Variants in CCDC63 observed in about 807,000 individuals in gnomAD.
The protein encoded by CCDC63 is coiled-coil domain containing 63.
Under a neutral mutation model 63.6 loss-of-function variants are expected in CCDC63, and 54 were observed. That is an observed-to-expected ratio of 0.85 (90% CI 0.68 to 1.07). The LOEUF (loss-of-function observed/expected upper bound fraction) is 1.07, where lower values mean the gene tolerates loss of function less well. CCDC63 is among the 50% of genes least tolerant of loss of function. CCDC63 has a pLI of 0.00. For synonymous variants in CCDC63, 253 were observed against 266.1 expected (o/e 0.95, Z 0.48); for missense variants, 637 against 689.6 (o/e 0.92, Z 0.86).
At chr12:110,890,319 A>T (rs1323104285) in intron 8 of CCDC63, among the ~76,000 whole-genome samples, 2 of 152,094 alleles carry the variant, frequency 1.3e-5, no homozygotes, top group Middle Eastern at 3.2e-3. Flanking sequence ...AAAAAAATTT[A>T]AAAATTAAAG....
At chr12:110,857,543 T>G (rs906736767) in intron 3 of CCDC63, among the ~76,000 whole-genome samples, 1 of 152,176 alleles carries the variant, frequency 6.6e-6, no homozygotes, top group Admixed American at 6.5e-5. Context: ...GCACCTGAGA[T>G]TCTGCATTTC....
At chr12:110,861,084 A>C (rs1246992189) in intron 4 of CCDC63, among the ~76,000 whole-genome samples, 1 of 152,056 alleles carries the variant, frequency 6.6e-6, no homozygotes, top group African/African-American at 2.4e-5. Flanking sequence ...ACACACTTTT[A>C]AACAACCAGA....
intron 4 of CCDC63, among the ~76,000 whole-genome samples, chr12:110,859,520 G>T (rs1171838056): frequency 6.6e-6 from 1 of 152,014 alleles, no homozygotes; most frequent in East Asian, 1.9e-4. Flanking sequence ...TGGCCAGGCT[G>T]GTCTCAAACT....
chr12:110,852,807 A>AC (rs1442093281), intron 1 of CCDC63, 52 bp from the exon 2 acceptor site: 1 of 1,221,414 alleles, frequency 8.2e-7, no homozygotes, highest in African/African-American at 1.5e-5. Context: ...TCTGACCTGC[A>AC]CCCCCAGCAG....
At chr12:110,905,861 T>C (rs1208337165) in intron 11 of CCDC63, among the ~76,000 whole-genome samples, 2 of 99,998 alleles carry the variant, frequency 2.0e-5, no homozygotes, top group Non-Finnish European at 3.8e-5. Flanking sequence ...TGTGTGTGTA[T>C]GTGTATATAT....
intron 9 of CCDC63, 104 bp from the exon 10 acceptor site, chr12:110,898,829 A>C (rs576753614): frequency 1.4e-6 from 1 of 719,656 alleles, no homozygotes; most frequent in South Asian, 2.9e-5. Context: ...GTCCCCTCAG[A>C]GGTTTGAAAA....
intron 4 of CCDC63, among the ~76,000 whole-genome samples, chr12:110,863,495 G>T (rs1339478121): frequency 2.6e-5 from 4 of 151,612 alleles, no homozygotes; most frequent in Non-Finnish European, 5.9e-5. Flanking sequence ...TTATTATGTT[G>T]TTATCACATA....
At chr12:110,887,811 A>C (rs769918665) in intron 8 of CCDC63, among the ~76,000 whole-genome samples, 3 of 151,758 alleles carry the variant, frequency 2.0e-5, no homozygotes, top group Non-Finnish European at 4.4e-5. Flanking sequence ...GTTGGCCAGG[A>C]TGGTCTCATC....
intron 1 of CCDC63, among the ~76,000 whole-genome samples, chr12:110,849,880 C>G (rs2070684918): frequency 6.6e-6 from 1 of 152,154 alleles, no homozygotes; most frequent in African/African-American, 2.4e-5. Flanking sequence ...ACATGTCTAT[C>G]ATTAGACCAA....
chr12:110,904,708 C>T lies in CCDC63; in HGVS notation c.1463C>T (p.Ser488Phe), dbSNP rs1477138930. ...PPFINPFWGG[S>F]ALLKPPEPIK... ...TTCATCAACCCTTTCTGGGGTGGCT[C>T]TGCCCTCCTCAAGCCCCCAGAACCC... Residue 488 changes from serine to phenylalanine, a missense_variant, in exon 11 of 12, where the codon TCT (serine) becomes TTT (phenylalanine). Transcript: ENST00000308208. 6.2e-7 allele frequency: 1 copy of T among 1,614,092 alleles called. No individual in the cohort carries two copies. Among genetic ancestry groups the T allele is most frequent in the South Asian group, 1.1e-5 (1 of 91,080 alleles).
At chr12:110,859,032 AC>A (rs2070816773) in intron 4 of CCDC63, among the ~76,000 whole-genome samples, 1 of 152,046 alleles carries the variant, frequency 6.6e-6, no homozygotes, top group African/African-American at 2.4e-5. Context: ...ATAAACCCCC[AC>A]AGCTGCACCC....
chr12:110,894,513 A>C (rs776549789), intron 9 of CCDC63, among the ~76,000 whole-genome samples: 25 of 152,294 alleles, frequency 1.6e-4, no homozygotes, highest in Admixed American at 5.2e-4. Flanking sequence ...CCTGGGAGAC[A>C]GGGATGGCCG....
chr12:110,879,838 G>C (rs1566128582), intron 5 of CCDC63, 68 bp from the exon 6 acceptor site: 30 of 1,500,746 alleles, frequency 2.0e-5, no homozygotes, highest in Non-Finnish European at 2.5e-5. Flanking sequence ...AGCCTTCCAG[G>C]TGCCTTCTGG....
chr12:110,868,297 A>T (rs1307324344), intron 4 of CCDC63, among the ~76,000 whole-genome samples: 4 of 126,246 alleles, frequency 3.2e-5, no homozygotes, highest in African/African-American at 1.3e-4. Flanking sequence ...ATGGGCAGCC[A>T]GGCAGAGACG....
rs1226873670 is a variant in CCDC63 at position 110,852,905 on chromosome 12, AG to A, written c.-49del. On this transcript the variant is annotated 5_prime_UTR_variant, in exon 2 of 12. Transcript: ENST00000308208. ...GAGAGAGGAAGGCTCACTGGCTTTG[AG>A]CTCTCTGGGTACAGTGTCTGAGTGG... 6.2e-7 allele frequency: 1 copy of A among 1,613,970 alleles called. No homozygotes were observed. Among genetic ancestry groups the A allele is most frequent in the Admixed American group, 1.7e-5 (1 of 59,998 alleles).
intron 3 of CCDC63, among the ~76,000 whole-genome samples, chr12:110,856,074 CTCTTTTTTTTT>C (rs1365452258): frequency 1.3e-4 from 19 of 150,910 alleles, no homozygotes; most frequent in African/African-American, 2.7e-4. Context: ...CTCTGAAAAC[CTCTTTTTTTTT>C]TCTTTTTTTT....
At chr12:110,855,376 G>T (rs554276648) in intron 3 of CCDC63, among the ~76,000 whole-genome samples, 3 of 152,060 alleles carry the variant, frequency 2.0e-5, no homozygotes, top group Admixed American at 6.6e-5. Flanking sequence ...GACCTGATTC[G>T]CAAGCCTACC....
chr12:110,888,425 A>G (rs1367820922), intron 8 of CCDC63, among the ~76,000 whole-genome samples: 6 of 152,110 alleles, frequency 3.9e-5, no homozygotes, highest in Non-Finnish European at 8.8e-5. Context: ...GTCATGACAA[A>G]TATGTCTAAG....
Position 110,884,180 on chromosome 12 carries a change from C to A in CCDC63, c.1004C>A (p.Ala335Asp). ...CTGGCCAAGGAGGAGAAGAATTTTG[C>A]TCGGTTCACGTATGTCACGGAGCTC... The part of the protein sequence containing the change: ...DFLAKEEKNF[A>D]RFTYVTELNN... Residue 335 changes from alanine (A) to aspartate (D), a missense_variant, in exon 8 of 12, where the codon GCT becomes GAT. Transcript: ENST00000308208. The A allele has an allele frequency of 6.2e-7, 1 of 1,614,112 alleles. No homozygotes were observed. The highest frequency in any genetic ancestry group is 8.5e-7 in the Non-Finnish European group (1 of 1,180,028).
Sources: gnomAD v4.1 joint callset for allele counts (sites outside exome capture counted in the v4.1 genomes callset) on GRCh38, gnomAD v4.1.1 for gene constraint, MANE v1.5 for transcripts, NCBI Gene and HGNC (gene_info 2026-07-23, HGNC 2026-07-21) for gene names.